The following TUSC3 variants were observed in gnomAD, a reference collection of about 807,000 sequenced individuals.
The protein encoded by TUSC3 is dolichyl-diphosphooligosaccharide--protein glycosyltransferase subunit TUSC3.
TUSC3 carries 45 observed loss-of-function variants against 44.8 expected under a neutral mutation model. The observed-to-expected ratio is 1.00, with a 90% CI of 0.79 to 1.29. The LOEUF (loss-of-function observed/expected upper bound fraction) is 1.29. TUSC3 is among the 50% of genes most tolerant of loss of function. TUSC3 has a pLI of 0.00. For synonymous variants in TUSC3, 212 were observed against 152.9 expected, an observed-to-expected ratio of 1.39 and a Z score of -2.85; for missense variants, 519 against 437.9, an observed-to-expected ratio of 1.19 and a Z score of -1.65.
chr8:15,590,509 A>C (rs543261214), intron 1 of TUSC3, among the ~76,000 whole-genome samples: 1 of 152,022 alleles, frequency 6.6e-6, no homozygotes, highest in Non-Finnish European at 1.5e-5. Flanking sequence ...CCCCATTAAC[A>C]TTTAATTTTT....
chr8:15,822,006 C>A, the TUSC3 span, among the ~76,000 whole-genome samples: 7 of 152,078 alleles, frequency 4.6e-5, no homozygotes, highest in African/African-American at 1.7e-4. Flanking sequence ...AGGCTGGTAG[C>A]ACTGCGAGTA....
chr8:15,521,910 G>C lies in TUSC3; in HGVS notation n.189+38427G>C, dbSNP rs368107701. Among the ~76,000 whole-genome samples, 13 of 152,230 alleles carry C rather than the reference G, an allele frequency of 8.5e-5. No individual in the cohort carries two copies. The East Asian group carries it at 2.1e-3, about 25-fold the overall frequency. On this transcript the variant is annotated intron_variant and non_coding_transcript_variant, in intron 2 of 5. Transcript: ENST00000503191. ...ATTAGGTTGGTGCAAAAGTTATTGT[G>C]GTTTCTGCAATTAAAGTAATAGCAA...
intron 1 of TUSC3, among the ~76,000 whole-genome samples, chr8:15,588,362 T>C (rs984278283): frequency 2.0e-5 from 3 of 152,212 alleles, no homozygotes; most frequent in Admixed American, 2.0e-4. Context: ...TATCTTCTTT[T>C]TCGAAATGTC....
chr8:15,492,846 A>G (rs1367727971), intron 2 of TUSC3, among the ~76,000 whole-genome samples: 3 of 152,188 alleles, frequency 2.0e-5, no homozygotes, highest in African/African-American at 7.2e-5. Flanking sequence ...ATCTTTGCAT[A>G]TATAGAATAT....
intron 1 of TUSC3, among the ~76,000 whole-genome samples, chr8:15,425,151 C>G (rs1472966368): frequency 6.6e-6 from 1 of 152,104 alleles, no homozygotes; most frequent in Non-Finnish European, 1.5e-5. Flanking sequence ...AAGGTAATGT[C>G]TTGCAAGCAA....
At chr8:15,697,468 G>T (rs1322475339) in intron 6 of TUSC3, among the ~76,000 whole-genome samples, 1 of 152,176 alleles carries the variant, frequency 6.6e-6, no homozygotes, top group Non-Finnish European at 1.5e-5. Context: ...CAGAGGTTTT[G>T]ATAGGTTTTG....
chr8:15,822,863 T>A, the TUSC3 span, among the ~76,000 whole-genome samples: 15 of 152,128 alleles, frequency 9.9e-5, no homozygotes, highest in South Asian at 4.1e-4. Context: ...CTTCGCAGTA[T>A]CAGTTTTGTT....
Position 15,512,931 on chromosome 8 carries a change from C to CATATATATATAT in TUSC3, n.189+29465_189+29476dup, listed in dbSNP as rs10696221. Among the ~76,000 whole-genome samples the CATATATATATAT allele has an allele frequency of 6.9e-3, 764 of 110,406 alleles. 4 individuals carry two copies. The highest frequency in any genetic ancestry group is 0.021 in the East Asian group (65 of 3,032). The allele number at this position is 110,406 out of a possible 152,430, so 72.4% of individuals were successfully genotyped here. A position where few individuals can be genotyped will look rare whatever the true frequency, so the allele number is the denominator to read the frequency against. On this transcript the variant is annotated intron_variant and non_coding_transcript_variant, in intron 2 of 5. Transcript: ENST00000503191. ...ATATATATGTATCTATATATATAAT[C>CATATATATATAT]ATATATATATATATATATATATATA...
the TUSC3 span, among the ~76,000 whole-genome samples, chr8:15,843,565 G>A: frequency 6.8e-6 from 1 of 148,114 alleles, no homozygotes; most frequent in African/African-American, 2.6e-5. Flanking sequence ...TTACACAGGT[G>A]AACACCAATA....
intron 1 of TUSC3, among the ~76,000 whole-genome samples, chr8:15,461,610 C>G (rs1195711227): frequency 6.6e-6 from 1 of 151,952 alleles, no homozygotes; most frequent in South Asian, 2.1e-4. Context: ...TTGTCTTTTT[C>G]CAGTCCTCAG....
chr8:15,607,608 C>T (rs541494341), intron 1 of TUSC3, among the ~76,000 whole-genome samples: 7 of 152,076 alleles, frequency 4.6e-5, no homozygotes, highest in Non-Finnish European at 8.8e-5. Context: ...ACACTGAATA[C>T]CCAGATATCG....
chr8:15,691,287 A>G (rs1219813795), intron 6 of TUSC3, among the ~76,000 whole-genome samples: 2 of 152,100 alleles, frequency 1.3e-5, no homozygotes, highest in Non-Finnish European at 2.9e-5. Flanking sequence ...ATGGGATTTC[A>G]TTCTTAATTT....
At chr8:15,807,141 C>T in the TUSC3 span, 1 of 957,574 alleles carries the variant, frequency 1.0e-6, no homozygotes, top group Non-Finnish European at 1.7e-6. Context: ...TTCAAGTCCA[C>T]TTGGCAAAGC....
chr8:15,850,976 A>G, the TUSC3 span, among the ~76,000 whole-genome samples: 9,232 of 152,218 alleles, frequency 0.061, 410 homozygotes, highest in East Asian at 0.16. Context: ...GCTGGTGAGC[A>G]TATTCTTCAC....
At chr8:15,498,849 T>G (rs1224161930) in intron 2 of TUSC3, among the ~76,000 whole-genome samples, 2 of 152,186 alleles carry the variant, frequency 1.3e-5, no homozygotes, top group Non-Finnish European at 2.9e-5. Flanking sequence ...CCTTCACCAA[T>G]TCCTACAATT....
chr8:15,731,305 A>C (rs1263272186), intron 7 of TUSC3, among the ~76,000 whole-genome samples: 5 of 152,154 alleles, frequency 3.3e-5, no homozygotes, highest in African/African-American at 1.2e-4. Context: ...TAAGCATCTA[A>C]TGTGAATATT....
intron 4 of TUSC3, among the ~76,000 whole-genome samples, chr8:15,661,336 G>A (rs1807415450): frequency 6.6e-6 from 1 of 151,924 alleles, no homozygotes; most frequent in African/African-American, 2.4e-5. Flanking sequence ...TGTCTTGTAA[G>A]CTTCTTTTAA....
the TUSC3 span, among the ~76,000 whole-genome samples, chr8:15,786,566 C>T: frequency 7.2e-5 from 11 of 152,030 alleles, no homozygotes; most frequent in Non-Finnish European, 1.6e-4. Context: ...AAAAGATTGC[C>T]TGGTGCATTT....
chr8:15,505,723 C>T (rs1057174029), intron 2 of TUSC3, among the ~76,000 whole-genome samples: 3 of 152,134 alleles, frequency 2.0e-5, no homozygotes, highest in Non-Finnish European at 2.9e-5. Flanking sequence ...AATGGGAGCA[C>T]TACTTTATAA....
Sources: allele counts gnomAD v4.1 joint callset (sites outside exome capture counted in the v4.1 genomes callset), GRCh38; gene constraint gnomAD v4.1.1; transcripts MANE v1.5; gene names NCBI Gene and HGNC (gene_info 2026-07-23, HGNC 2026-07-21).